FAM161B: variants seen among roughly 807,000 people sequenced by gnomAD.
FAM161B encodes protein FAM161B.
FAM161B carries 46 observed loss-of-function variants against 61.5 expected under a neutral mutation model. That is an observed-to-expected ratio of 0.75 (90% CI 0.59 to 0.96). The LOEUF is 0.96. Among genes scored for constraint, FAM161B ranks in the 40% least tolerant of loss-of-function variants. FAM161B has a pLI of 0.00. For missense variants in FAM161B, 774 were observed against 800.7 expected, an observed-to-expected ratio of 0.97 and a Z score of 0.40; for synonymous variants, 284 against 302.7, an observed-to-expected ratio of 0.94 and a Z score of 0.64.
At chr14:73,926,646 G>T (rs151097129), downstream of FAM161B, among the ~76,000 whole-genome samples, 109 of 152,226 alleles carry the variant, frequency 7.2e-4, 1 homozygote, top group African/African-American at 2.6e-3. Context: ...TGTTGGCCAG[G>T]CTGGTCCCAA....
intron 5 of FAM161B, among the ~76,000 whole-genome samples, chr14:73,940,239 A>C (rs983202119): frequency 6.6e-6 from 1 of 152,214 alleles, no homozygotes; most frequent in Non-Finnish European, 1.5e-5. Flanking sequence ...TGAGAACATC[A>C]TAACAGAATC....
Position 73,944,703 on chromosome 14 carries a change from G to T in FAM161B, c.557C>A (p.Ala186Asp). 6.2e-7 allele frequency: 1 copy of T among 1,606,488 alleles called. No individual in the cohort carries two copies. ...RMTLREARKKAEWLGSPASFE... is the reference protein window; with the variant it reads ...RMTLREARKKDEWLGSPASFE... ...GGAGGCAGGTGAGCCCAGCCACTCG[G>T]CCTTCTTCCGGGCCTCGCGCAGCGT... is the stretch of plus-strand genomic sequence containing the variant. Residue 186 changes from alanine (A) to aspartate (D), a missense_variant, in exon 3 of 9, where the codon GCC becomes GAC. Ala to Asp is a moderately radical substitution (Grantham distance 126). Transcript: ENST00000286544.
chr14:73,939,614 T>A (rs1447655352), intron 5 of FAM161B, among the ~76,000 whole-genome samples: 1 of 152,134 alleles, frequency 6.6e-6, no homozygotes, highest in Admixed American at 6.5e-5. Context: ...CTGGAAACAG[T>A]GGGCTGGAAG....
chr14:73,944,895 A>C lies in FAM161B; in HGVS notation c.375-10T>G, dbSNP rs201457008. 564 of 1,505,100 alleles carry C rather than the reference A, an allele frequency of 3.7e-4. 1 individual carries two copies. Among genetic ancestry groups the C allele is most frequent in the Non-Finnish European group, 4.8e-4 (538 of 1,130,114 alleles). The allele number at this position is 1,505,100 out of a possible 1,614,324, so 93.2% of individuals were successfully genotyped here. Reference sequence around the variant, plus strand: ...CCTTGTGGAGCCACACCTGGGAAAAAAGCAGATCTGTGAGTGGAGGACAGG... The same window carrying C: ...CCTTGTGGAGCCACACCTGGGAAAACAGCAGATCTGTGAGTGGAGGACAGG... On this transcript the variant is annotated splice_polypyrimidine_tract_variant and intron_variant, in intron 2 of 8. Transcript: ENST00000286544.
chr14:73,926,192 TA>T, the FAM161B span, among the ~76,000 whole-genome samples: 1 of 152,188 alleles, frequency 6.6e-6, no homozygotes, highest in Non-Finnish European at 1.5e-5. Flanking sequence ...GATACAATAT[TA>T]AAAACTATAA....
chr14:73,949,098 TTTTG>T lies in FAM161B; in HGVS notation c.54+871_54+874del, dbSNP rs956208179. Among the ~76,000 whole-genome samples the T allele has an allele frequency of 2.4e-4, 34 of 139,792 alleles. No individual in the cohort carries two copies. The East Asian group carries it at 3.6e-3, about 15-fold the overall frequency. The allele number at this position is 139,792 out of a possible 152,430, so 91.7% of individuals were successfully genotyped here. ...CATGCCCAGATAATTTTTTGTATTTTTTTGTTTGTTTGTTTTTGTTTTTGAGAGA... is the reference window on the plus strand; with the variant it reads ...CATGCCCAGATAATTTTTTGTATTTTTTTGTTTGTTTTTGTTTTTGAGAGA... On this transcript the variant is annotated intron_variant, in intron 1 of 8. Transcript: ENST00000286544.
At chr14:73,926,067 C>A in the FAM161B span, among the ~76,000 whole-genome samples, 1 of 152,060 alleles carries the variant, frequency 6.6e-6, no homozygotes, top group Non-Finnish European at 1.5e-5. Flanking sequence ...TTATACTGTT[C>A]TTGTTTTATC....
intron 4 of FAM161B, 138 bp downstream of exon 4, chr14:73,942,231 T>C: frequency 3.6e-6 from 3 of 825,698 alleles, no homozygotes; most frequent in Non-Finnish European, 1.9e-6. Context: ...TATAGGAAAG[T>C]GAATCTGCTT....
intron 4 of FAM161B, 76 bp from the exon 5 acceptor site, chr14:73,941,129 TTGA>T: frequency 9.1e-7 from 1 of 1,098,406 alleles, no homozygotes; most frequent in East Asian, 2.9e-5. Flanking sequence ...TTTTTTTTTT[TTGA>T]GACAGAGTCT....
Position 73,944,402 on chromosome 14 carries a change from G to C in FAM161B, c.858C>G (p.Ser286=). Residue 286 remains serine, a synonymous_variant, in exon 3 of 9, where the codon TCC becomes TCG. Coordinates refer to ENST00000286544, the MANE Select transcript of FAM161B (RefSeq NM_152445.3). ...DLAATAEAKI[S]KQKATRRIPK... ...GAATCCTTCTGGTGGCCTTCTGCTT[G>C]GAGATCTTGGCTTCAGCTGTGGCTG... 1.8e-5 allele frequency: 29 copies of C among 1,609,810 alleles called. No homozygotes were observed. The highest frequency in any genetic ancestry group is 2.5e-5 in the Non-Finnish European group (29 of 1,176,576).
At chr14:73,941,104 C>CTA in intron 4 of FAM161B, 51 bp from the exon 5 acceptor site, 10 of 1,034,000 alleles carry the variant, frequency 9.7e-6, no homozygotes, top group African/African-American at 1.8e-5. Flanking sequence ...TGATTAGTTT[C>CTA]TATCTTTTTT....
intron 5 of FAM161B, among the ~76,000 whole-genome samples, 197 bp from the exon 6 acceptor site, chr14:73,938,309 A>G (rs981283525): frequency 6.6e-6 from 1 of 151,988 alleles, no homozygotes; most frequent in Non-Finnish European, 1.5e-5. Flanking sequence ...AAATACAAAA[A>G]TTAGCTGGGC....
At chr14:73,935,202 T>C (rs898971534) in intron 8 of FAM161B, among the ~76,000 whole-genome samples, 3 of 151,984 alleles carry the variant, frequency 2.0e-5, no homozygotes, top group Non-Finnish European at 4.4e-5. Flanking sequence ...GGAGAGAAGA[T>C]ACTATTTTCT....
intron 5 of FAM161B, among the ~76,000 whole-genome samples, chr14:73,940,550 C>G (rs56127215): frequency 0.41 from 62,760 of 151,808 alleles, 13,888 homozygotes; most frequent in South Asian, 0.5. Flanking sequence ...AAGACAAGAC[C>G]CCCCTGCTCC....
intron 4 of FAM161B, among the ~76,000 whole-genome samples, 198 bp downstream of exon 4, chr14:73,942,171 C>T (rs758242): frequency 0.8 from 120,810 of 151,680 alleles, 49,054 homozygotes; most frequent in East Asian, 0.93. Flanking sequence ...TTGTATTTTT[C>T]TTTTAGAGAT....
downstream of FAM161B, chr14:73,932,054 C>T: frequency 2.2e-6 from 1 of 456,066 alleles, no homozygotes; most frequent in Non-Finnish European, 4.4e-6. Flanking sequence ...GTAAGAGACT[C>T]TCTGCCACTG....
the FAM161B span, chr14:73,923,336 C>T: frequency 1.9e-6 from 3 of 1,558,132 alleles, no homozygotes; most frequent in Non-Finnish European, 2.6e-6. Flanking sequence ...GCTTAATGAT[C>T]CAGATAGGTG....
chr14:73,938,670 G>A (rs1352527347), intron 5 of FAM161B, among the ~76,000 whole-genome samples: 1 of 151,886 alleles, frequency 6.6e-6, no homozygotes, highest in African/African-American at 2.4e-5. Flanking sequence ...TACTCGGGAG[G>A]CTGAGGCAGG....
intron 8 of FAM161B, 49 bp from the exon 9 acceptor site, chr14:73,934,443 A>C (rs1239192807): frequency 1.3e-6 from 2 of 1,555,864 alleles, no homozygotes; most frequent in Non-Finnish European, 8.7e-7. Context: ...TTTTTTTCAG[A>C]CAGGGTCTCA....
Sources: gnomAD v4.1 joint callset for allele counts (sites outside exome capture counted in the v4.1 genomes callset) on GRCh38, gnomAD v4.1.1 for gene constraint, MANE v1.5 for transcripts, NCBI Gene and HGNC (gene_info 2026-07-23, HGNC 2026-07-21) for gene names.